The following PTPRD variants were observed in gnomAD, a reference collection of about 807,000 sequenced individuals.
PTPRD encodes protein tyrosine phosphatase receptor type D, also known as receptor-type tyrosine-protein phosphatase delta.
PTPRD carries 34 observed loss-of-function variants against 214.5 expected under a neutral mutation model. The ratio of observed to expected loss-of-function variants is 0.16; its 90% CI spans 0.12 to 0.21. PTPRD has a LOEUF of 0.21. PTPRD is among the 10% of genes least tolerant of loss of function. The pLI is 1.00. For missense variants in PTPRD, 2,545 were observed against 2,398.7 expected, an observed-to-expected ratio of 1.06 and a Z score of -1.27; for synonymous variants, 1,128 against 845.7, an observed-to-expected ratio of 1.33 and a Z score of -5.79.
chr9:8,669,264 G>A (rs1346371814), intron 12 of PTPRD, among the ~76,000 whole-genome samples: 13 of 152,100 alleles, frequency 8.5e-5, no homozygotes, highest in Non-Finnish European at 1.3e-4. Flanking sequence ...CAGGAATATG[G>A]CATCTTATCT....
chr9:10,565,558 T>C (rs181874999), intron 2 of PTPRD, among the ~76,000 whole-genome samples: 1 of 152,040 alleles, frequency 6.6e-6, no homozygotes, highest in African/African-American at 2.4e-5. Context: ...TACTGCAAAA[T>C]TTTAAAATGC....
intron 2 of PTPRD, among the ~76,000 whole-genome samples, chr9:10,413,018 G>A (rs1290298367): frequency 1.3e-5 from 2 of 151,772 alleles, no homozygotes; most frequent in African/African-American, 2.4e-5. Context: ...ACCAAAAAGG[G>A]AAAACCTGAA....
intron 5 of PTPRD, among the ~76,000 whole-genome samples, chr9:9,825,427 G>A (rs12351810): frequency 0.03 from 4,569 of 150,606 alleles, 74 homozygotes; most frequent in Middle Eastern, 0.058. Flanking sequence ...AAAGAAAAAG[G>A]GAGAAAGGAG....
intron 3 of PTPRD, among the ~76,000 whole-genome samples, chr9:10,077,300 AT>A (rs1293266690): frequency 1.3e-5 from 2 of 152,228 alleles, no homozygotes; most frequent in Admixed American, 6.5e-5. Context: ...TGTATCAGAG[AT>A]TTCACATATT....
At chr9:10,148,253 G>A (rs1564131085) in intron 3 of PTPRD, among the ~76,000 whole-genome samples, 1 of 152,136 alleles carries the variant, frequency 6.6e-6, no homozygotes, top group Non-Finnish European at 1.5e-5. Context: ...GATTGTGTAT[G>A]TCTATTCTTA....
chr9:9,278,328 T>C (rs1329759672), intron 9 of PTPRD, among the ~76,000 whole-genome samples: 2 of 151,310 alleles, frequency 1.3e-5, no homozygotes, highest in East Asian at 2.0e-4. Flanking sequence ...GTGTACTAAT[T>C]ATAGGCGTGT....
At chr9:8,686,831 G>T (rs2097690465) in intron 12 of PTPRD, among the ~76,000 whole-genome samples, 2 of 152,208 alleles carry the variant, frequency 1.3e-5, no homozygotes, top group African/African-American at 4.8e-5. Flanking sequence ...CTAAGGCATG[G>T]GTTAAAAGTT....
chr9:9,942,499 A>C (rs1272013324), intron 4 of PTPRD, among the ~76,000 whole-genome samples: 1 of 152,192 alleles, frequency 6.6e-6, no homozygotes. Flanking sequence ...TCTGTAGAAT[A>C]GATTTCTATA....
chr9:9,615,282 C>G (rs1459563114), intron 7 of PTPRD, among the ~76,000 whole-genome samples: 1 of 152,168 alleles, frequency 6.6e-6, no homozygotes, highest in Admixed American at 6.5e-5. Flanking sequence ...TCCACCTCCA[C>G]CAGCACCTGG....
intron 14 of PTPRD, among the ~76,000 whole-genome samples, chr9:8,616,041 T>C (rs2095600787): frequency 6.6e-6 from 1 of 152,168 alleles, no homozygotes; most frequent in South Asian, 2.1e-4. Context: ...AAGAAATTTA[T>C]GAATGAAAGT....
intron 3 of PTPRD, among the ~76,000 whole-genome samples, chr9:10,172,878 A>G (rs2099219365): frequency 6.6e-6 from 1 of 152,204 alleles, no homozygotes; most frequent in Non-Finnish European, 1.5e-5. Flanking sequence ...AGCTGACTAG[A>G]TGGATGAACC....
intron 5 of PTPRD, among the ~76,000 whole-genome samples, chr9:9,884,562 C>T (rs138266598): frequency 1.3e-4 from 20 of 152,186 alleles, no homozygotes; most frequent in African/African-American, 4.8e-4. Flanking sequence ...CTGGAAAGGC[C>T]TTGAAGACAC....
intron 7 of PTPRD, among the ~76,000 whole-genome samples, chr9:9,588,534 A>G (rs1174407842): frequency 6.6e-6 from 1 of 151,994 alleles, no homozygotes; most frequent in Admixed American, 6.6e-5. Flanking sequence ...GTTTTTGATT[A>G]CTCAGACTTT....
intron 12 of PTPRD, among the ~76,000 whole-genome samples, chr9:8,645,647 G>A (rs1054682813): frequency 2.0e-5 from 3 of 152,000 alleles, no homozygotes; most frequent in Non-Finnish European, 4.4e-5. Flanking sequence ...CAGAAAAGGA[G>A]AGAGAAGAAG....
intron 8 of PTPRD, among the ~76,000 whole-genome samples, chr9:9,450,122 G>A (rs202093332): frequency 1.2e-5 from 1 of 85,014 alleles, no homozygotes; most frequent in Non-Finnish European, 2.6e-5. Context: ...GTGTGTGTCT[G>A]TGTGTGTGTG....
rs566026215 is a variant in PTPRD at position 8,784,699 on chromosome 9, C to T, written c.-103-50753G>A. Among the ~76,000 whole-genome samples, 26 of 152,190 alleles carry T rather than the reference C, an allele frequency of 1.7e-4. No individual in the cohort carries two copies. The East Asian group carries it at 4.8e-3, about 28-fold the overall frequency. The stretch of plus-strand genomic sequence containing the variant: ...TGCTAAGTTTGCTTAGCCTGCTTAC[C>T]AAATAAAGATATGCCAGGACAAATT... On this transcript the variant is annotated intron_variant, in intron 11 of 45. Coordinates refer to ENST00000381196, the MANE Select transcript of PTPRD (RefSeq NM_002839.4).
At chr9:9,767,541 C>G (rs1462151224) in intron 5 of PTPRD, among the ~76,000 whole-genome samples, 6 of 152,026 alleles carry the variant, frequency 3.9e-5, no homozygotes, top group Non-Finnish European at 7.4e-5. Context: ...AGAAACTCAT[C>G]TACCTAAAGG....
chr9:10,362,476 GT>G (rs1294013579), intron 2 of PTPRD, among the ~76,000 whole-genome samples: 1 of 151,824 alleles, frequency 6.6e-6, no homozygotes, highest in Non-Finnish European at 1.5e-5. Context: ...TATGTAGAAG[GT>G]TTTCTAAAAA....
chr9:8,955,452 G>A (rs1020963580), intron 11 of PTPRD, among the ~76,000 whole-genome samples: 1 of 151,696 alleles, frequency 6.6e-6, no homozygotes, highest in South Asian at 2.1e-4. Flanking sequence ...TAAAGGACAG[G>A]GGGAGAGCTC....
Sources: gnomAD v4.1 joint callset for allele counts (sites outside exome capture counted in the v4.1 genomes callset) on GRCh38, gnomAD v4.1.1 for gene constraint, MANE v1.5 for transcripts, NCBI Gene and HGNC (gene_info 2026-07-23, HGNC 2026-07-21) for gene names.